Variants in NAV3 observed in about 807,000 individuals in gnomAD.
The protein encoded by NAV3 is pore membrane and/or filament interacting like protein 1.
Under a neutral mutation model 244.7 loss-of-function variants are expected in NAV3, and 87 were observed. The ratio of observed to expected loss-of-function variants is 0.36; its 90% confidence interval spans 0.30 to 0.42. The LOEUF is 0.42. Among genes scored for constraint, NAV3 ranks in the 20% least tolerant of loss-of-function variants. The pLI is 1.00. For synonymous variants in NAV3, 1,126 were observed against 1,042.2 expected (o/e 1.08, Z -1.55); for missense variants, 2,663 against 2,893.3 (o/e 0.92, Z 1.83).
At chr12:78,011,948 T>G (rs1440266525) in intron 8 of NAV3, among the ~76,000 whole-genome samples, 1 of 152,050 alleles carries the variant, frequency 6.6e-6, no homozygotes, top group Non-Finnish European at 1.5e-5. Flanking sequence ...TCAGATCTCA[T>G]GAGAACTCAC....
intron 2 of NAV3, among the ~76,000 whole-genome samples, chr12:77,578,586 A>G (rs918778791): frequency 6.6e-6 from 1 of 152,178 alleles, no homozygotes; most frequent in Non-Finnish European, 1.5e-5. Context: ...CAGTCAGCTA[A>G]TGTTGGACTC....
At chr12:78,095,483 C>T (rs1158391979) in intron 12 of NAV3, among the ~76,000 whole-genome samples, 4 of 152,090 alleles carry the variant, frequency 2.6e-5, no homozygotes, top group African/African-American at 4.8e-5. Flanking sequence ...CAATGGGAAA[C>T]GAGGCTAAAC....
intron 2 of NAV3, among the ~76,000 whole-genome samples, chr12:77,593,631 C>CT (rs566083715): frequency 1.3e-3 from 149 of 118,494 alleles, no homozygotes; most frequent in East Asian, 6.0e-3. Flanking sequence ...ATCCCAGCTA[C>CT]TTTTTTTTTT....
intron 1 of NAV3, among the ~76,000 whole-genome samples, chr12:77,907,475 C>T (rs568854677): frequency 2.0e-5 from 3 of 152,150 alleles, no homozygotes; most frequent in Non-Finnish European, 4.4e-5. Context: ...TTCAGACTTC[C>T]TGATTATTTC....
At chr12:78,192,394 T>A (rs1343225883) in intron 34 of NAV3, among the ~76,000 whole-genome samples, 1 of 151,092 alleles carries the variant, frequency 6.6e-6, no homozygotes, top group Non-Finnish European at 1.5e-5. Context: ...TTTTTTATTA[T>A]TTTATTTTAT....
At chr12:77,998,032 A>G (rs1181597577) in intron 6 of NAV3, among the ~76,000 whole-genome samples, 3 of 152,240 alleles carry the variant, frequency 2.0e-5, no homozygotes, top group African/African-American at 7.2e-5. Flanking sequence ...TAATTGTTAC[A>G]GTACTTTTAA....
chr12:78,121,911 A>G (rs2138676178), intron 15 of NAV3, 29 bp from the exon 16 acceptor site: 1 of 1,609,220 alleles, frequency 6.2e-7, no homozygotes, highest in Non-Finnish European at 8.5e-7. Flanking sequence ...TCTTGGAACA[A>G]CTGAAGTTGT....
At chr12:77,950,406 A>T (rs1890758180) in intron 3 of NAV3, 1 of 152,072 alleles carries the variant, frequency 6.6e-6, no homozygotes, top group Non-Finnish European at 1.5e-5. Context: ...CTGATGACAT[A>T]TGATGTGGAA....
intron 1 of NAV3, among the ~76,000 whole-genome samples, chr12:77,914,221 C>T (rs531100615): frequency 1.6e-4 from 25 of 152,048 alleles, no homozygotes; most frequent in Non-Finnish European, 2.9e-4. Flanking sequence ...CAGACTAATA[C>T]TATTGGTCTT....
intron 1 of NAV3, among the ~76,000 whole-genome samples, chr12:77,911,382 A>C (rs1442727274): frequency 1.3e-5 from 2 of 152,132 alleles, no homozygotes; most frequent in Non-Finnish European, 1.5e-5. Flanking sequence ...TTTATAATGC[A>C]CTTGATCCAC....
intron 12 of NAV3, among the ~76,000 whole-genome samples, chr12:78,110,706 G>GTA (rs1566146135): frequency 1.6e-4 from 24 of 151,696 alleles, no homozygotes; most frequent in African/African-American, 4.6e-4. Context: ...GTGTGTGTGT[G>GTA]TATACACACA....
At chr12:78,181,719 A>G (rs577563340) in intron 30 of NAV3, among the ~76,000 whole-genome samples, 3 of 152,090 alleles carry the variant, frequency 2.0e-5, no homozygotes, top group Non-Finnish European at 4.4e-5. Context: ...ATGAGGATCT[A>G]TGGTAATTGT....
rs774756640 is a variant in NAV3, at chr12:77,994,868, C to A, written c.737C>A (p.Thr246Asn). 1 of 1,603,006 alleles carries A rather than the reference C, an allele frequency of 6.2e-7. No individual in the cohort carries two copies. Among genetic ancestry groups the A allele is most frequent in the East Asian group, 2.2e-5 (1 of 44,496 alleles). ...ATTGCAACCAGTCAAAAAAAGCCTACTAGGTCAGTTAATATTCTCTAATTT... is the reference window on the plus strand; with the variant it reads ...ATTGCAACCAGTCAAAAAAAGCCTAATAGGTCAGTTAATATTCTCTAATTT... ...SGIATSQKKP[T>N]RLPGPSRVPA... Residue 246 changes from threonine to asparagine, a missense_variant, in exon 6 of 40, where the codon ACT (threonine) becomes AAT (asparagine). This residue lies in a region of NAV3 where 1,521 missense variants were observed against 1,497.0 expected (regional missense o/e 1.02). Transcript: ENST00000397909.
At chr12:78,011,151 G>A (rs1875202986) in intron 8 of NAV3, among the ~76,000 whole-genome samples, 1 of 152,112 alleles carries the variant, frequency 6.6e-6, no homozygotes, top group Non-Finnish European at 1.5e-5. Context: ...GATAACTAGA[G>A]CTACCTGAAA....
chr12:77,900,926 T>C (rs145232278), intron 1 of NAV3, among the ~76,000 whole-genome samples: 1 of 152,374 alleles, frequency 6.6e-6, no homozygotes, highest in East Asian at 1.9e-4. Context: ...ATAGCCATTC[T>C]GGCTGGTTTG....
intron 2 of NAV3, among the ~76,000 whole-genome samples, chr12:77,604,195 C>G (rs1021616285): frequency 2.6e-5 from 4 of 152,054 alleles, no homozygotes; most frequent in Non-Finnish European, 5.9e-5. Context: ...ATCATACCAC[C>G]AATCTGCATA....
chr12:77,877,818 C>T (rs1008423926), intron 1 of NAV3, among the ~76,000 whole-genome samples: 2 of 151,852 alleles, frequency 1.3e-5, no homozygotes, highest in African/African-American at 2.4e-5. Context: ...GAGGGAGAGG[C>T]GAAAAATAAC....
chr12:77,946,377 G>A (rs986116330), intron 3 of NAV3, among the ~76,000 whole-genome samples: 3 of 151,664 alleles, frequency 2.0e-5, no homozygotes, highest in Non-Finnish European at 4.4e-5. Flanking sequence ...ATAGTCCAAA[G>A]AGCACATATT....
chr12:77,687,502 A>G (rs1180545596), intron 2 of NAV3, among the ~76,000 whole-genome samples: 4 of 152,148 alleles, frequency 2.6e-5, no homozygotes, highest in African/African-American at 9.7e-5. Context: ...TCTGTGGACA[A>G]TCCAGAGTTT....
Sources: gnomAD v4.1 joint callset for allele counts (sites outside exome capture counted in the v4.1 genomes callset) on GRCh38, gnomAD v4.1.1 for gene constraint, gnomAD v4.1.1 regional missense constraint, MANE v1.5 for transcripts, NCBI Gene and HGNC (gene_info 2026-07-23, HGNC 2026-07-21) for gene names.